PWWP3B: variants seen among roughly 807,000 people sequenced by gnomAD.
PWWP3B encodes the protein PWWP domain containing 3B, also known as PWWP domain-containing DNA repair factor 3B.
A neutral mutation model predicts 15.7 loss-of-function variants in PWWP3B; 5 were observed. The observed-to-expected ratio is 0.32, with a 90% CI of 0.17 to 0.67. PWWP3B has a LOEUF of 0.67. Among genes scored for constraint, PWWP3B ranks in the 30% least tolerant of loss-of-function variants. PWWP3B has a pLI of 0.74. For synonymous variants in PWWP3B, 203 were observed against 179.8 expected (o/e 1.13, Z -1.03); for missense variants, 519 against 493.1 (o/e 1.05, Z -0.50).
intron 2 of PWWP3B, among the ~76,000 whole-genome samples, chrX:106,191,552 C>T (rs764321706): frequency 1.8e-3 from 199 of 111,324 alleles, no homozygotes; most frequent in African/African-American, 6.3e-3. Flanking sequence ...TGCCTGATTG[C>T]CCTGGCCAGA....
intron 2 of PWWP3B, among the ~76,000 whole-genome samples, chrX:106,185,484 T>A (rs1252486837): frequency 9.0e-6 from 1 of 111,398 alleles, no homozygotes; most frequent in East Asian, 2.8e-4. Flanking sequence ...AGAGTAGTTG[T>A]GCTCACCAGT....
At chrX:106,199,415 G>C (rs1284638617) in intron 2 of PWWP3B, among the ~76,000 whole-genome samples, 1 of 111,590 alleles carries the variant, frequency 9.0e-6, no homozygotes, top group Non-Finnish European at 1.9e-5. Flanking sequence ...AAAAAGACTG[G>C]AAAACAGAGA....
At chrX:106,185,932 C>A (rs1922481837) in intron 2 of PWWP3B, among the ~76,000 whole-genome samples, 1 of 112,054 alleles carries the variant, frequency 8.9e-6, no homozygotes, top group South Asian at 3.7e-4. Context: ...TCCAGATAGT[C>A]CCCCACCATG....
At chrX:106,203,951 C>T (rs1481374864) in intron 2 of PWWP3B, 34 bp from the exon 3 acceptor site, 2 of 112,256 alleles carry the variant, frequency 1.8e-5, no homozygotes, top group East Asian at 2.8e-4. Context: ...TTTCCCATTT[C>T]GTTGGTTTTA....
intron 1 of PWWP3B, among the ~76,000 whole-genome samples, chrX:106,170,729 A>C (rs1014135501): frequency 8.9e-6 from 1 of 112,023 alleles, no homozygotes; most frequent in African/African-American, 3.2e-5. Context: ...AAATGCTGCT[A>C]CATAGAGTCT....
intron 2 of PWWP3B, among the ~76,000 whole-genome samples, chrX:106,199,184 G>A (rs989680777): frequency 1.0e-4 from 11 of 109,584 alleles, no homozygotes; most frequent in African/African-American, 3.7e-4. Context: ...AAGTAGCTGG[G>A]ACTACAGGCA....
At chrX:106,194,273 C>T (rs762961551) in intron 2 of PWWP3B, among the ~76,000 whole-genome samples, 1 of 111,445 alleles carries the variant, frequency 9.0e-6, no homozygotes, top group African/African-American at 3.3e-5. Context: ...TTTCTGTTCT[C>T]GCTTCATTTC....
At chrX:106,170,830 G>T (rs954586531) in intron 1 of PWWP3B, among the ~76,000 whole-genome samples, 182 bp from the exon 2 acceptor site, 1 of 111,396 alleles carries the variant, frequency 9.0e-6, no homozygotes, top group East Asian at 2.8e-4. Context: ...TAGCATGAAC[G>T]AAATAACATA....
chrX:106,201,048 A>C (rs1317698180), intron 2 of PWWP3B, among the ~76,000 whole-genome samples: 2 of 103,148 alleles, frequency 1.9e-5, no homozygotes, highest in Non-Finnish European at 4.1e-5. Context: ...ACTCCGTCTC[A>C]AAAAAAAAAA....
At chrX:106,191,166 C>T (rs1922925679) in intron 2 of PWWP3B, among the ~76,000 whole-genome samples, 1 of 110,615 alleles carries the variant, frequency 9.0e-6, no homozygotes, top group African/African-American at 3.3e-5. Context: ...ATTGATTCTT[C>T]CTACCCATGA....
At position 106,208,438 on chromosome X, in the gene PWWP3B, T is replaced by C. The variant is rs1356375406; in HGVS notation, c.*915T>C. On this transcript the variant is annotated 3_prime_UTR_variant, in exon 4 of 4. Transcript: ENST00000357175. Reference sequence around the variant, plus strand: ...TGACTGCTTAAGTGCCCATCTCGTTTGATATAAACTGTAGAAAAGGCAAGC... The same window carrying C: ...TGACTGCTTAAGTGCCCATCTCGTTCGATATAAACTGTAGAAAAGGCAAGC... The C allele has an allele frequency of 2.4e-5, 3 of 124,043 alleles. No individual in the cohort carries two copies. Among genetic ancestry groups the C allele is most frequent in the Non-Finnish European group, 5.6e-5 (3 of 53,453 alleles). 10.2% of individuals were successfully genotyped at this position (124,043 alleles called of 1,213,427 possible).
Position 106,199,938 on chromosome X carries a change from G to A in PWWP3B, c.-400-4047G>A, listed in dbSNP as rs1018730925. ...CAGTAACAGAAGTCTATAAAAGATT[G>A]TAAGGGAAAATTTCCTGTGACAGAG... On this transcript the variant is annotated intron_variant, in intron 2 of 3. Coordinates refer to ENST00000357175, the MANE Select transcript of PWWP3B (RefSeq NM_001171020.2). Among the ~76,000 whole-genome samples, 8 of 111,748 alleles carry A rather than the reference G, an allele frequency of 7.2e-5. No homozygotes were observed. In the South Asian group the frequency reaches 1.1e-3, roughly 16 times the overall value.
At chrX:106,203,595 A>G (rs1347494158) in intron 2 of PWWP3B, among the ~76,000 whole-genome samples, 5 of 112,176 alleles carry the variant, frequency 4.5e-5, no homozygotes, top group African/African-American at 1.6e-4. Flanking sequence ...AAACTATGAG[A>G]CAGCATGTAA....
At chrX:106,182,038 A>G (rs201036437) in intron 2 of PWWP3B, among the ~76,000 whole-genome samples, 4 of 110,931 alleles carry the variant, frequency 3.6e-5, no homozygotes, top group East Asian at 2.9e-4. Flanking sequence ...GCAGAATCTC[A>G]TACTATCCCT....
rs1924156805 is a variant in PWWP3B, at chrX:106,208,203, G to T, written c.*680G>T. ...AAAATAATTTTGGCTGCTTTGAACA[G>T]GATTGTTCATTCTACACTTCCCTGA... On this transcript the variant is annotated 3_prime_UTR_variant, in exon 4 of 4. Transcript: ENST00000357175. The T allele has an allele frequency of 8.1e-6, 1 of 123,834 alleles. No individual in the cohort carries two copies. The highest frequency in any genetic ancestry group is 1.9e-5 in the Non-Finnish European group (1 of 53,368). The allele number at this position is 123,834 out of a possible 1,213,427, so 10.2% of individuals were successfully genotyped here.
At chrX:106,196,162 G>A (rs1385201262) in intron 2 of PWWP3B, among the ~76,000 whole-genome samples, 1 of 111,301 alleles carries the variant, frequency 9.0e-6, no homozygotes, top group East Asian at 2.8e-4. Flanking sequence ...TACTTATTAG[G>A]TCTCATAGCT....
chrX:106,188,416 C>A (rs755024665), intron 2 of PWWP3B, among the ~76,000 whole-genome samples: 1 of 110,862 alleles, frequency 9.0e-6, no homozygotes, highest in Non-Finnish European at 1.9e-5. Context: ...AAGTACAAAT[C>A]AAAATCCCTA....
chrX:106,172,480 A>G (rs2147580138), intron 2 of PWWP3B, among the ~76,000 whole-genome samples: 1 of 110,033 alleles, frequency 9.1e-6, no homozygotes, highest in African/African-American at 3.3e-5. Flanking sequence ...TTTCTTTTCA[A>G]ACTTTTTTTT....
intron 2 of PWWP3B, among the ~76,000 whole-genome samples, chrX:106,181,296 G>A (rs1027856107): frequency 9.0e-6 from 1 of 111,571 alleles, no homozygotes; most frequent in Non-Finnish European, 1.9e-5. Context: ...ACTGCTGGCT[G>A]GGGTGGCCAG....
Sources: allele counts gnomAD v4.1 joint callset (sites outside exome capture counted in the v4.1 genomes callset), GRCh38; gene constraint gnomAD v4.1.1; transcripts MANE v1.5; gene names NCBI Gene and HGNC (gene_info 2026-07-23, HGNC 2026-07-21).